FARSB: variants seen among roughly 807,000 people sequenced by gnomAD.
FARSB encodes the protein phenylalanine--tRNA ligase beta subunit.
In FARSB, 40 loss-of-function variants were observed where a neutral mutation model predicts 69.6. The ratio of observed to expected loss-of-function variants is 0.57; its 90% CI spans 0.45 to 0.75. The LOEUF is 0.75. FARSB is among the 30% of genes least tolerant of loss of function. The probability of loss-of-function intolerance (pLI) is 0.00; values close to 1 mark genes in which losing one functional copy is unlikely to be tolerated. For missense variants in FARSB, 632 were observed against 722.9 expected (o/e 0.87, Z 1.44); for synonymous variants, 235 against 247.2 (o/e 0.95, Z 0.46).
intron 6 of FARSB, among the ~76,000 whole-genome samples, chr2:222,633,840 T>C (rs1251875491): frequency 1.3e-5 from 2 of 152,184 alleles, no homozygotes; most frequent in Admixed American, 1.3e-4. Flanking sequence ...TGAAAACAGA[T>C]TTGCACTGGT....
intron 15 of FARSB, among the ~76,000 whole-genome samples, chr2:222,611,996 T>C (rs1268314791): frequency 1.3e-5 from 2 of 152,178 alleles, no homozygotes; most frequent in Admixed American, 6.5e-5. Context: ...CCCTGATTTA[T>C]AAATGTAACC....
At chr2:222,640,245 C>T (rs1371703940) in intron 4 of FARSB, among the ~76,000 whole-genome samples, 2 of 152,234 alleles carry the variant, frequency 1.3e-5, no homozygotes, top group Admixed American at 6.5e-5. Flanking sequence ...AATCCCAGCA[C>T]TTTAGGAGGC....
Position 222,613,826 on chromosome 2 carries a change from T to C in FARSB, c.1447A>G (p.Lys483Glu), listed in dbSNP as rs775925771. 1.3e-6 allele frequency: 2 copies of C among 1,585,816 alleles called. No individual in the cohort carries two copies. ...TTATTCTTACCTGTATTAGAATCTT[T>C]TATTACAATGTCAGAGATTTCAAAC... ...KLFEISDIVI[K>E]DSNTDVGAKN... Residue 483 changes from lysine to glutamate, a missense_variant, in exon 15 of 17, where the codon AAA (lysine) becomes GAA (glutamate). By Grantham distance (56) the Lys-to-Glu change is moderately conservative. Transcript: ENST00000281828.
At chr2:222,574,818 C>T (rs1399851084) in intron 16 of FARSB, among the ~76,000 whole-genome samples, 2 of 152,220 alleles carry the variant, frequency 1.3e-5, no homozygotes, top group Admixed American at 6.5e-5. Flanking sequence ...GTTCTGTCCT[C>T]CTCATACACA....
intron 15 of FARSB, among the ~76,000 whole-genome samples, chr2:222,607,339 A>C (rs1364581981): frequency 1.3e-5 from 2 of 152,214 alleles, no homozygotes; most frequent in Non-Finnish European, 2.9e-5. Flanking sequence ...CATTTCTTGC[A>C]ACAGACATAG....
intron 16 of FARSB, among the ~76,000 whole-genome samples, chr2:222,590,353 C>T (rs569389706): frequency 2.5e-4 from 37 of 150,084 alleles, no homozygotes; most frequent in African/African-American, 7.6e-4. Context: ...CATCACATAC[C>T]GGGGCCTGTC....
intron 3 of FARSB, among the ~76,000 whole-genome samples, chr2:222,641,315 C>T (rs1691713474): frequency 6.6e-6 from 1 of 152,132 alleles, no homozygotes; most frequent in African/African-American, 2.4e-5. Flanking sequence ...TAGGAAGAAA[C>T]AGAGCTTATG....
At chr2:222,611,790 A>G (rs1690859987) in intron 15 of FARSB, among the ~76,000 whole-genome samples, 1 of 152,162 alleles carries the variant, frequency 6.6e-6, no homozygotes, top group Non-Finnish European at 1.5e-5. Context: ...ACCACTACCC[A>G]GGACTAAAAT....
rs1689685297 is a variant in FARSB, at chr2:222,569,869, CT to C, written c.*2001del. 6.6e-6 allele frequency: 1 copy of C among 152,156 alleles called. No homozygotes were observed. The highest frequency in any genetic ancestry group is 1.9e-4 in the East Asian group (1 of 5,194). 9.4% of individuals were successfully genotyped at this position (152,156 alleles called of 1,614,324 possible). On this transcript the variant is annotated 3_prime_UTR_variant, in exon 17 of 17. Transcript: ENST00000281828. ...CAATTTGTAACTACTATAAGTAACA[CT>C]GTGAACACTTGCATAAAAATCTTTG...
Position 222,628,831 on chromosome 2 carries a change from A to G in FARSB, c.900+6T>C, listed in dbSNP as rs1159394654. Reference sequence around the variant, plus strand: ...ATAATCATGAAGTCATTTCTTAAGCACTTACTGGAAAGGTATGTGATTTTC... The same window carrying G: ...ATAATCATGAAGTCATTTCTTAAGCGCTTACTGGAAAGGTATGTGATTTTC... On this transcript the variant is annotated splice_donor_region_variant and intron_variant, in intron 10 of 16. Coordinates refer to ENST00000281828, the MANE Select transcript of FARSB (RefSeq NM_005687.5). The G allele has an allele frequency of 5.1e-6, 8 of 1,581,348 alleles. No homozygotes were observed. Among genetic ancestry groups the G allele is most frequent in the Middle Eastern group, 3.3e-4 (2 of 6,016 alleles).
At chr2:222,600,520 A>G (rs1690531819) in intron 15 of FARSB, among the ~76,000 whole-genome samples, 2 of 152,196 alleles carry the variant, frequency 1.3e-5, no homozygotes, top group South Asian at 4.1e-4. Context: ...TAAACAACCT[A>G]TATTAGGGAT....
rs1689654779 is a variant in FARSB at position 222,567,590 on chromosome 2, A to C, written c.*4281T>G. Reference sequence around the variant, plus strand: ...TTGTAGTAGATTACTCCTGTTTAAAATGTGAGAACAGTCATTCAACATGTT... The same window carrying C: ...TTGTAGTAGATTACTCCTGTTTAAACTGTGAGAACAGTCATTCAACATGTT... On this transcript the variant is annotated 3_prime_UTR_variant, in exon 17 of 17. Transcript: ENST00000281828. 6.6e-6 allele frequency: 1 copy of C among 152,246 alleles called. No individual in the cohort carries two copies. Among genetic ancestry groups the C allele is most frequent in the Non-Finnish European group, 1.5e-5 (1 of 68,038 alleles). 9.4% of individuals were successfully genotyped at this position (152,246 alleles called of 1,614,324 possible).
At chr2:222,651,385 C>A (rs1034522285) in intron 1 of FARSB, among the ~76,000 whole-genome samples, 2 of 152,192 alleles carry the variant, frequency 1.3e-5, no homozygotes, top group Admixed American at 6.5e-5. Context: ...TTAAAAAATT[C>A]TCATCTTCTC....
rs1691945184 is a variant in FARSB, at chr2:222,648,812, GGAGATGGTTAATTTCACT to G, written c.59-35_59-18del. Reference sequence around the variant, plus strand: ...CTTCGTCAGCTAGGAAAATAAAAAAGGAGATGGTTAATTTCACTCTGTTCAGTATAAGTGAAAACTACA... The same window carrying G: ...CTTCGTCAGCTAGGAAAATAAAAAAGCTGTTCAGTATAAGTGAAAACTACA... On this transcript the variant is annotated intron_variant, in intron 1 of 16. Transcript: ENST00000281828. 2 of 1,564,812 alleles carry G rather than the reference GGAGATGGTTAATTTCACT, an allele frequency of 1.3e-6. No individual in the cohort carries two copies. The highest frequency in any genetic ancestry group is 1.8e-6 in the Non-Finnish European group (2 of 1,135,292).
At chr2:222,623,752 T>G in intron 12 of FARSB, 22 bp from the exon 13 acceptor site, 1 of 1,445,424 alleles carries the variant, frequency 6.9e-7, no homozygotes, top group South Asian at 1.2e-5. Context: ...AGCATCCACT[T>G]GATTTCACCG....
At chr2:222,648,364 C>A (rs1368800362) in intron 2 of FARSB, among the ~76,000 whole-genome samples, 1 of 152,062 alleles carries the variant, frequency 6.6e-6, no homozygotes, top group Non-Finnish European at 1.5e-5. Flanking sequence ...AAGGAGGAGG[C>A]GCTGGAAGTG....
In FARSB at chr2:222,571,797, G is replaced by T; in HGVS notation, c.*74C>A. ...CAAAGCCCAAATAGATGTTCCCTGTGGAGGAGGACTTAAGGACACTAGGGG... is the reference window on the plus strand; with the variant it reads ...CAAAGCCCAAATAGATGTTCCCTGTTGAGGAGGACTTAAGGACACTAGGGG... On this transcript the variant is annotated 3_prime_UTR_variant, in exon 17 of 17. Transcript: ENST00000281828. 1 of 1,271,828 alleles carries T rather than the reference G, an allele frequency of 7.9e-7. No homozygotes were observed. Among genetic ancestry groups the T allele is most frequent in the South Asian group, 1.4e-5 (1 of 71,960 alleles). 78.8% of individuals were successfully genotyped at this position (1,271,828 alleles called of 1,614,324 possible).
chr2:222,582,646 C>T (rs1056648979), intron 16 of FARSB, among the ~76,000 whole-genome samples: 13 of 152,124 alleles, frequency 8.5e-5, no homozygotes, highest in South Asian at 6.2e-4. Flanking sequence ...AATGTAAATT[C>T]GGGCGCAGTG....
chr2:222,600,308 A>T (rs1418370246), intron 15 of FARSB, among the ~76,000 whole-genome samples: 2 of 151,886 alleles, frequency 1.3e-5, no homozygotes, highest in South Asian at 4.2e-4. Context: ...AAAACCCTCA[A>T]TGCTGACCAG....
Sources: gnomAD v4.1 joint callset for allele counts (sites outside exome capture counted in the v4.1 genomes callset) on GRCh38, gnomAD v4.1.1 for gene constraint, MANE v1.5 for transcripts, NCBI Gene and HGNC (gene_info 2026-07-23, HGNC 2026-07-21) for gene names.